The following UBXN2B variants were observed in gnomAD, a reference collection of about 807,000 sequenced individuals.
UBXN2B encodes UBX domain protein 2B.
UBXN2B carries 19 observed loss-of-function variants against 37.5 expected under a neutral mutation model. That is an observed-to-expected ratio of 0.51 (90% CI 0.35 to 0.74). The LOEUF (loss-of-function observed/expected upper bound fraction) is 0.74. Among genes scored for constraint, UBXN2B ranks in the 30% least tolerant of loss-of-function variants. The pLI, the probability that UBXN2B is intolerant of heterozygous loss-of-function variation, is 0.01. For missense variants in UBXN2B, 370 were observed against 393.2 expected (o/e 0.94, Z 0.50); for synonymous variants, 145 against 143.8 (o/e 1.01, Z -0.06).
In UBXN2B at chr8:58,441,355, ATAT is replaced by A. The variant is rs200394112; in HGVS notation, c.671+1586_671+1588del. ...TCCTCTTGTTGTGATCAACATATAT[ATAT>A]ATATATATATGTATGTGTATATATA... On this transcript the variant is annotated intron_variant, in intron 6 of 7. Transcript: ENST00000399598. Among the ~76,000 whole-genome samples the A allele has an allele frequency of 4.7e-4, 68 of 145,852 alleles. 3 individuals are homozygous for A. The highest frequency in any genetic ancestry group is 1.8e-3 in the African/African-American group (68 of 38,316).
Position 58,412,584 on chromosome 8 carries a change from A to G in UBXN2B, c.84+1115A>G, listed in dbSNP as rs145382553. Among the ~76,000 whole-genome samples, 463 of 152,354 alleles carry G rather than the reference A, an allele frequency of 3.0e-3. 6 individuals are homozygous for G. Among genetic ancestry groups the G allele is most frequent in the African/African-American group, 0.01 (436 of 41,576 alleles). On this transcript the variant is annotated intron_variant, in intron 1 of 7. Transcript: ENST00000399598. The stretch of plus-strand genomic sequence containing the variant: ...TTCCAGCTCCCATAGTTGGTTCAGT[A>G]GTAGTAAACAGTATCAAGGGATAGG...
In UBXN2B at chr8:58,433,263, T is replaced by A; in HGVS notation, c.423+20T>A. 6.4e-7 allele frequency: 1 copy of A among 1,565,832 alleles called. No individual in the cohort carries two copies. Among genetic ancestry groups the A allele is most frequent in the Non-Finnish European group, 8.7e-7 (1 of 1,148,024 alleles). On this transcript the variant is annotated intron_variant, in intron 4 of 7. Transcript: ENST00000399598. ...CAAGATGTAGGTACAATAATCAAAA[T>A]GAAAAAGTATAAATATTTGCTTCTA...
chr8:58,432,045 T>G (rs1214349621), intron 3 of UBXN2B, among the ~76,000 whole-genome samples: 2 of 152,240 alleles, frequency 1.3e-5, no homozygotes, highest in Non-Finnish European at 2.9e-5. Context: ...CATTCATATT[T>G]TTATCCTCAG....
At chr8:58,421,756 AC>A (rs1807931813) in intron 2 of UBXN2B, among the ~76,000 whole-genome samples, 1 of 152,118 alleles carries the variant, frequency 6.6e-6, no homozygotes, top group Non-Finnish European at 1.5e-5. Context: ...ACCTGCAATC[AC>A]CTTTTACCAA....
Position 58,450,308 on chromosome 8 carries a change from C to T in UBXN2B, c.*2757C>T, listed in dbSNP as rs2129604840. The T allele has an allele frequency of 1.3e-5, 2 of 152,324 alleles. No individual in the cohort carries two copies. Among genetic ancestry groups the T allele is most frequent in the Non-Finnish European group, 2.9e-5 (2 of 68,022 alleles). The allele number at this position is 152,324 out of a possible 1,614,324, so 9.4% of individuals were successfully genotyped here. On this transcript the variant is annotated 3_prime_UTR_variant, in exon 8 of 8. Transcript: ENST00000399598. ...GCAAGAAGACAGCAGGCTGTACCTTCCACAGCTTGCTTGGAAATATCCTCA... is the reference window on the plus strand; with the variant it reads ...GCAAGAAGACAGCAGGCTGTACCTTTCACAGCTTGCTTGGAAATATCCTCA...
In UBXN2B at chr8:58,432,414, G is replaced by C. The variant is rs556957405; in HGVS notation, c.340-746G>C. On this transcript the variant is annotated intron_variant, in intron 3 of 7. Transcript: ENST00000399598. ...TTTTTTTTTTTTGAGACAGGGTCTCGCTCTGTTGCCCAGGCTGGAGTGCAG... is the reference window on the plus strand; with the variant it reads ...TTTTTTTTTTTTGAGACAGGGTCTCCCTCTGTTGCCCAGGCTGGAGTGCAG... Among the ~76,000 whole-genome samples the C allele has an allele frequency of 3.5e-5, 4 of 113,218 alleles. No individual in the cohort carries two copies. The East Asian group carries it at 1.1e-3, about 31-fold the overall frequency. 74.3% of individuals were successfully genotyped at this position (113,218 alleles called of 152,430 possible). A position where few individuals can be genotyped will look rare whatever the true frequency, so the allele number is the denominator to read the frequency against.
chr8:58,439,715 A>T lies in UBXN2B; in HGVS notation c.616A>T (p.Ile206Leu), dbSNP rs758273410. 3.1e-6 allele frequency: 5 copies of T among 1,611,774 alleles called. No individual in the cohort carries two copies. The highest frequency in any genetic ancestry group is 2.2e-5 in the South Asian group (2 of 90,604). The change falls in exon 6 of 8, where the codon ATA becomes TTA. Residue 206 changes from isoleucine to leucine, a missense_variant. Ile to Leu is a conservative substitution (Grantham distance 5). Around this residue, in one of 3 missense-constraint regions of UBXN2B, gnomAD observed 90 missense variants for 139.4 expected, o/e 0.65. Coordinates refer to ENST00000399598, the MANE Select transcript of UBXN2B (RefSeq NM_001077619.2). ...GGAGGATCATCAGGATCAAGAATAC[A>T]TAAAACCTAGATTGAGGTTCAAGGC... ...DMEDHQDQEY[I>L]KPRLRFKAFS...
intron 5 of UBXN2B, among the ~76,000 whole-genome samples, chr8:58,438,850 C>T (rs577833341): frequency 2.6e-5 from 4 of 152,128 alleles, no homozygotes; most frequent in Admixed American, 1.3e-4. Flanking sequence ...TGTTTTGTCC[C>T]CTCCAAATCT....
intron 1 of UBXN2B, among the ~76,000 whole-genome samples, chr8:58,414,396 T>C (rs761762385): frequency 6.6e-6 from 1 of 152,242 alleles, no homozygotes; most frequent in Non-Finnish European, 1.5e-5. Context: ...CCAATACTTT[T>C]AATATTTTGC....
chr8:58,414,669 T>C (rs1807726345), intron 1 of UBXN2B, among the ~76,000 whole-genome samples: 1 of 152,256 alleles, frequency 6.6e-6, no homozygotes, highest in South Asian at 2.1e-4. Flanking sequence ...TTAAATTTCT[T>C]TGTAGTATTT....
intron 6 of UBXN2B, among the ~76,000 whole-genome samples, chr8:58,441,367 A>ATATATATATATATATATATATATGTATG (rs1554553148): frequency 7.7e-5 from 11 of 142,478 alleles, no homozygotes; most frequent in African/African-American, 2.9e-4. Flanking sequence ...ATATATATAT[A>ATATATATATATATATATATATATGTATG]TGTATGTGTA....
chr8:58,427,629 T>G (rs1295235916), intron 2 of UBXN2B, among the ~76,000 whole-genome samples: 1 of 152,150 alleles, frequency 6.6e-6, no homozygotes, highest in Non-Finnish European at 1.5e-5. Flanking sequence ...GTTTTAAATT[T>G]GGGATACAGG....
chr8:58,422,498 C>T (rs1355001024), intron 2 of UBXN2B, among the ~76,000 whole-genome samples: 4 of 152,214 alleles, frequency 2.6e-5, no homozygotes, highest in African/African-American at 7.2e-5. Flanking sequence ...GATGATTCAA[C>T]ATATAAGGCG....
Position 58,445,892 on chromosome 8 carries a change from A to G in UBXN2B, c.672-15A>G. ...TTTTACACATTCAGATTTGTGTTTA[A>G]TTCCTCTTTTTTAGCCTTACACCTG... On this transcript the variant is annotated splice_polypyrimidine_tract_variant and intron_variant, in intron 6 of 7. Transcript: ENST00000399598. 1 of 1,570,622 alleles carries G rather than the reference A, an allele frequency of 6.4e-7. No individual in the cohort carries two copies. Among genetic ancestry groups the G allele is most frequent in the Non-Finnish European group, 8.6e-7 (1 of 1,161,432 alleles).
chr8:58,423,343 ACCATATGAGTGG>A (rs1345786055), intron 2 of UBXN2B, among the ~76,000 whole-genome samples: 1 of 152,026 alleles, frequency 6.6e-6, no homozygotes, highest in East Asian at 1.9e-4. Context: ...CAACCTGCTG[ACCATATGAGTGG>A]CCACCTGCAG....
intron 1 of UBXN2B, among the ~76,000 whole-genome samples, chr8:58,413,901 A>G (rs1807706226): frequency 6.6e-6 from 1 of 152,140 alleles, no homozygotes; most frequent in South Asian, 2.1e-4. Flanking sequence ...GTTCAATAGT[A>G]TTTCTGAATT....
Position 58,430,608 on chromosome 8 carries a change from G to A in UBXN2B, c.278G>A (p.Arg93Lys). 6.2e-7 allele frequency: 1 copy of A among 1,603,308 alleles called. No individual in the cohort carries two copies. Among genetic ancestry groups the A allele is most frequent in the Non-Finnish European group, 8.5e-7 (1 of 1,173,970 alleles). Reference sequence around the variant, plus strand: ...GTGAATGAACTTTTCAAAGAGGCAAGGGAACATGGGGCTGTCCCTCTGAAT... The same window carrying A: ...GTGAATGAACTTTTCAAAGAGGCAAAGGAACATGGGGCTGTCCCTCTGAAT... Reference protein sequence around the residue: ...KIVNELFKEAREHGAVPLNEA... With the variant: ...KIVNELFKEAKEHGAVPLNEA... Residue 93 changes from arginine to lysine, a missense_variant, in exon 3 of 8, where the codon AGG becomes AAG. Transcript: ENST00000399598.
chr8:58,436,493 C>T (rs1808415165), intron 5 of UBXN2B, among the ~76,000 whole-genome samples: 1 of 152,182 alleles, frequency 6.6e-6, no homozygotes, highest in African/African-American at 2.4e-5. Flanking sequence ...TACCTCGACA[C>T]TGAATGACAG....
At chr8:58,426,928 A>G (rs1428756106) in intron 2 of UBXN2B, among the ~76,000 whole-genome samples, 1 of 152,182 alleles carries the variant, frequency 6.6e-6, no homozygotes, top group Non-Finnish European at 1.5e-5. Flanking sequence ...AGGTTTTGCC[A>G]ATTGGCAAGT....
Sources: gnomAD v4.1 joint callset for allele counts (sites outside exome capture counted in the v4.1 genomes callset) on GRCh38, gnomAD v4.1.1 for gene constraint, gnomAD v4.1.1 regional missense constraint, MANE v1.5 for transcripts, NCBI Gene and HGNC (gene_info 2026-07-23, HGNC 2026-07-21) for gene names.